Variants in CNTNAP5 observed in about 807,000 individuals in gnomAD.
The protein encoded by CNTNAP5 is contactin associated protein family member 5, also known as contactin-associated protein-like 5.
A neutral mutation model predicts 150.2 loss-of-function variants in CNTNAP5; 72 were observed. The ratio of observed to expected loss-of-function variants is 0.48; its 90% CI spans 0.40 to 0.58. The LOEUF (loss-of-function observed/expected upper bound fraction) is 0.58, where lower values mean the gene tolerates loss of function less well. Ranked by LOEUF, CNTNAP5 falls within the 20% of genes least tolerant of loss-of-function variation. The pLI, the probability that CNTNAP5 is intolerant of heterozygous loss-of-function variation, is 0.00. For missense variants in CNTNAP5, 1,636 were observed against 1,626.2 expected (o/e 1.01, Z -0.10); for synonymous variants, 672 against 619.8 (o/e 1.08, Z -1.25).
intron 1 of CNTNAP5, among the ~76,000 whole-genome samples, chr2:124,093,258 T>G (rs980344677): frequency 2.0e-5 from 3 of 152,226 alleles, no homozygotes; most frequent in South Asian, 4.1e-4. Context: ...TTGGCTTTTC[T>G]TATCCTCCAT....
intron 5 of CNTNAP5, among the ~76,000 whole-genome samples, chr2:124,437,718 A>T (rs375237387): frequency 2.0e-5 from 3 of 152,270 alleles, no homozygotes; most frequent in East Asian, 3.9e-4. Flanking sequence ...GGTTTATAAC[A>T]TCCATGATCA....
chr2:124,417,473 G>A lies in CNTNAP5; in HGVS notation c.412G>A (p.Val138Met), dbSNP rs765263584. 6.2e-6 allele frequency: 10 copies of A among 1,613,910 alleles called. No individual in the cohort carries two copies. The highest frequency in any genetic ancestry group is 2.2e-5 in the East Asian group (1 of 44,858). The change falls in exon 4 of 24, where the codon GTG (valine) becomes ATG (methionine). Residue 138 changes from valine to methionine, a missense_variant. Val to Met is a conservative substitution (Grantham distance 21). Transcript: ENST00000682447. ...TGCAGGAAACATGAATGCTGACAGC[G>A]TGGTGCACCACAAGCTATTGCACTC... ...TFAGNMNADSVVHHKLLHSVR... is the reference protein window; with the variant it reads ...TFAGNMNADSMVHHKLLHSVR...
At chr2:124,652,826 T>C (rs1678351461) in intron 13 of CNTNAP5, among the ~76,000 whole-genome samples, 1 of 152,154 alleles carries the variant, frequency 6.6e-6, no homozygotes, top group East Asian at 1.9e-4. Flanking sequence ...CACTCACCAC[T>C]CCAAGTAATG....
chr2:124,825,482 A>T (rs934601113), intron 19 of CNTNAP5, among the ~76,000 whole-genome samples: 5 of 152,196 alleles, frequency 3.3e-5, no homozygotes, highest in Non-Finnish European at 5.9e-5. Context: ...AGTTGACCTT[A>T]ACTATAGAAC....
intron 1 of CNTNAP5, among the ~76,000 whole-genome samples, chr2:124,142,419 C>G (rs1377083868): frequency 1.3e-5 from 2 of 151,914 alleles, no homozygotes; most frequent in Admixed American, 6.6e-5. Context: ...ATCTAAAGAA[C>G]AGAAATTATA....
chr2:124,347,061 C>T (rs905395265), intron 3 of CNTNAP5, among the ~76,000 whole-genome samples: 1 of 151,968 alleles, frequency 6.6e-6, no homozygotes, highest in Non-Finnish European at 1.5e-5. Context: ...GCACTCCAGC[C>T]TGGGTGACAG....
chr2:124,417,200 A>C (rs1691941107), intron 3 of CNTNAP5, among the ~76,000 whole-genome samples: 1 of 151,938 alleles, frequency 6.6e-6, no homozygotes, highest in Non-Finnish European at 1.5e-5. Flanking sequence ...AGCCTCCCAA[A>C]GTGCTGGGAT....
At chr2:124,371,108 A>G (rs548971994) in intron 3 of CNTNAP5, among the ~76,000 whole-genome samples, 3 of 152,152 alleles carry the variant, frequency 2.0e-5, no homozygotes, top group South Asian at 4.1e-4. Context: ...TACCTCTCAC[A>G]TAAGTGTCTA....
intron 1 of CNTNAP5, among the ~76,000 whole-genome samples, chr2:124,054,269 G>T (rs1176056738): frequency 6.6e-6 from 1 of 152,140 alleles, no homozygotes; most frequent in Non-Finnish European, 1.5e-5. Flanking sequence ...TGTATATTTG[G>T]GTGAGGGGAG....
intron 19 of CNTNAP5, among the ~76,000 whole-genome samples, chr2:124,816,743 G>A (rs910792173): frequency 6.6e-6 from 1 of 152,058 alleles, no homozygotes; most frequent in African/African-American, 2.4e-5. Context: ...CTCCCAAAGT[G>A]CCAGGATTAC....
At chr2:124,331,173 C>A (rs1689340424) in intron 3 of CNTNAP5, among the ~76,000 whole-genome samples, 1 of 151,898 alleles carries the variant, frequency 6.6e-6, no homozygotes, top group Non-Finnish European at 1.5e-5. Context: ...AAGCTTCAGA[C>A]AAAACATCAG....
intron 19 of CNTNAP5, among the ~76,000 whole-genome samples, chr2:124,826,760 G>C (rs1460632635): frequency 1.3e-5 from 2 of 152,052 alleles, no homozygotes; most frequent in Admixed American, 6.6e-5. Context: ...ATTATAGCCA[G>C]ACACTATTTC....
At chr2:124,109,375 AG>A (rs1683245942) in intron 1 of CNTNAP5, among the ~76,000 whole-genome samples, 1 of 152,132 alleles carries the variant, frequency 6.6e-6, no homozygotes, top group African/African-American at 2.4e-5. Context: ...ACACAGGTAG[AG>A]TTGGGGATGG....
chr2:124,303,153 G>A (rs1408807371), intron 3 of CNTNAP5, among the ~76,000 whole-genome samples: 1 of 152,002 alleles, frequency 6.6e-6, no homozygotes, highest in Non-Finnish European at 1.5e-5. Flanking sequence ...ATGAACATTT[G>A]GGAGGTCTAT....
chr2:124,247,584 A>C (rs1345853609), intron 3 of CNTNAP5, among the ~76,000 whole-genome samples: 1 of 122,126 alleles, frequency 8.2e-6, no homozygotes, highest in Non-Finnish European at 1.9e-5. Flanking sequence ...AAATTCAATA[A>C]ATATACAAAA....
At chr2:124,909,826 C>CATATATATATAT (rs368913883) in intron 22 of CNTNAP5, among the ~76,000 whole-genome samples, 6,019 of 74,132 alleles carry the variant, frequency 0.081, 477 homozygotes, top group Non-Finnish European at 0.094. Context: ...CAATTGGTGA[C>CATATATATATAT]ATATATATAT....
At chr2:124,570,352 G>T (rs1696123688) in intron 11 of CNTNAP5, among the ~76,000 whole-genome samples, 1 of 152,152 alleles carries the variant, frequency 6.6e-6, no homozygotes. Context: ...CTTGCAGGAA[G>T]AGTGAGCTCC....
chr2:124,514,294 A>G (rs1455342629), intron 8 of CNTNAP5, among the ~76,000 whole-genome samples: 1 of 152,258 alleles, frequency 6.6e-6, no homozygotes, highest in South Asian at 2.1e-4. Context: ...CAGCTTTTTA[A>G]GTTTGGATAA....
At chr2:124,606,124 T>C in intron 11 of CNTNAP5, among the ~76,000 whole-genome samples, 1 of 152,226 alleles carries the variant, frequency 6.6e-6, no homozygotes, top group East Asian at 1.9e-4. Context: ...ATTTTAAATT[T>C]CAAGAAAAAC....
Sources: gnomAD v4.1 joint callset for allele counts (sites outside exome capture counted in the v4.1 genomes callset) on GRCh38, gnomAD v4.1.1 for gene constraint, MANE v1.5 for transcripts, NCBI Gene and HGNC (gene_info 2026-07-23, HGNC 2026-07-21) for gene names.